The following BAMBI variants were observed in gnomAD, a reference collection of about 807,000 sequenced individuals.
The protein encoded by BAMBI is BMP and activin membrane-bound inhibitor homolog.
BAMBI carries 21 observed loss-of-function variants against 24.1 expected under a neutral mutation model. The ratio of observed to expected loss-of-function variants is 0.87; its 90% CI spans 0.62 to 1.26. The LOEUF is 1.26. Ranked by LOEUF, BAMBI falls within the 50% of genes most tolerant of loss-of-function variation. The probability of loss-of-function intolerance (pLI) is 0.00; values close to 1 mark genes in which losing one functional copy is unlikely to be tolerated. For synonymous variants in BAMBI, 156 were observed against 123.1 expected, an observed-to-expected ratio of 1.27 and a Z score of -1.77; for missense variants, 388 against 329.1, an observed-to-expected ratio of 1.18 and a Z score of -1.38.
chr10:28,678,346 T>A (rs1469291029), intron 1 of BAMBI, among the ~76,000 whole-genome samples: 2 of 152,220 alleles, frequency 1.3e-5, no homozygotes, highest in African/African-American at 2.4e-5. Context: ...CGTGTCTGTG[T>A]GAGTGCCTCA....
At position 28,681,985 on chromosome 10, in the gene BAMBI, C is replaced by A; in HGVS notation, c.367C>A (p.Gln123Lys). 1 of 1,609,676 alleles carries A rather than the reference C, an allele frequency of 6.2e-7. No homozygotes were observed. Among genetic ancestry groups the A allele is most frequent in the Non-Finnish European group, 8.5e-7 (1 of 1,176,608 alleles). ...TCATTTTCTTTGTACTCCTTTAGGA[C>A]AAGGAAACAGGTATCAGCATGATGG... ...LSPPRGEASG[Q>K]GNRYQHDGSR... The change falls in exon 3 of 3, where the codon CAA becomes AAA. Residue 123 changes from glutamine to lysine, a missense_variant and splice_region_variant. Physicochemically the swap from Gln to Lys is moderately conservative, Grantham distance 53. Coordinates refer to ENST00000375533, the MANE Select transcript of BAMBI (RefSeq NM_012342.3).
At chr10:28,681,151 A>G (rs749569995) in intron 1 of BAMBI, 107 bp from the exon 2 acceptor site, 4 of 1,188,358 alleles carry the variant, frequency 3.4e-6, no homozygotes, top group South Asian at 1.5e-5. Flanking sequence ...CTCAGCTTGG[A>G]TGATCTAAAA....
rs1331984331 is a variant in BAMBI, at chr10:28,682,518, CCT to C, written c.*120_*121del. 4 of 891,468 alleles carry C rather than the reference CCT, an allele frequency of 4.5e-6. No homozygotes were observed. The highest frequency in any genetic ancestry group is 3.4e-5 in the African/African-American group (2 of 59,440). 55.2% of individuals were successfully genotyped at this position (891,468 alleles called of 1,614,324 possible). On this transcript the variant is annotated 3_prime_UTR_variant, in exon 3 of 3. Transcript: ENST00000375533. The stretch of plus-strand genomic sequence containing the variant: ...TAATCATCTTTGAGAGACAAAATGA[CCT>C]CTGCAAACAGAATCTTGGATATTTC...
In BAMBI at chr10:28,682,215, C is replaced by T. The variant is rs200922139; in HGVS notation, c.597C>T (p.His199=). 2.5e-5 allele frequency: 41 copies of T among 1,614,028 alleles called. No homozygotes were observed. Among genetic ancestry groups the T allele is most frequent in the African/African-American group, 8.0e-5 (6 of 74,912 alleles). Residue 199 remains histidine (H), a synonymous_variant, in exon 3 of 3, where the codon CAC becomes CAT. Transcript: ENST00000375533. ...QMLSRLHYSF[H]GHHSKKGQVA... ...TCTCCCGTTTGCACTACAGCTTTCACGGACACCATTCCAAAAAGGGGCAGG... is the reference window on the plus strand; with the variant it reads ...TCTCCCGTTTGCACTACAGCTTTCATGGACACCATTCCAAAAAGGGGCAGG...
chr10:28,682,395 C>A lies in BAMBI; in HGVS notation c.777C>A (p.Phe259Leu), dbSNP rs377480665. The A allele has an allele frequency of 2.5e-6, 4 of 1,608,704 alleles. No homozygotes were observed. The highest frequency in any genetic ancestry group is 1.3e-5 in the African/African-American group (1 of 74,802). ...GMYSGHGKLE[F>L]V Reference sequence around the variant, plus strand: ...ACAGTGGGCACGGGAAGCTGGAATTCGTATGACGGAGTCTTATCTGAACTA... The same window carrying A: ...ACAGTGGGCACGGGAAGCTGGAATTAGTATGACGGAGTCTTATCTGAACTA... Residue 259 changes from phenylalanine (F) to leucine (L), a missense_variant, in exon 3 of 3, where the codon TTC (phenylalanine) becomes TTA (leucine). Coordinates refer to ENST00000375533, the MANE Select transcript of BAMBI (RefSeq NM_012342.3).
At chr10:28,680,681 AG>A (rs1226700914) in intron 1 of BAMBI, among the ~76,000 whole-genome samples, 1 of 152,238 alleles carries the variant, frequency 6.6e-6, no homozygotes, top group East Asian at 1.9e-4. Flanking sequence ...AGATCTTTAT[AG>A]GCAAAAAGTT....
chr10:28,680,936 GAATA>G (rs1349223816), intron 1 of BAMBI, among the ~76,000 whole-genome samples: 10 of 152,168 alleles, frequency 6.6e-5, no homozygotes, highest in African/African-American at 1.9e-4. Flanking sequence ...GGATTAAAAT[GAATA>G]AATAATGTGT....
Position 28,679,118 on chromosome 10 carries a change from C to T in BAMBI, c.76+1145C>T, listed in dbSNP as rs796619582. Among the ~76,000 whole-genome samples, 18 of 152,206 alleles carry T rather than the reference C, an allele frequency of 1.2e-4. 1 individual carries two copies. The highest frequency in any genetic ancestry group is 4.1e-4 in the African/African-American group (17 of 41,528). ...TTTTGGAAGGAAGGGTGTAATTAAC[C>T]CTAAATAACAGCCCTTGTGGCTTGC... On this transcript the variant is annotated intron_variant, in intron 1 of 2. Coordinates refer to ENST00000375533, the MANE Select transcript of BAMBI (RefSeq NM_012342.3).
chr10:28,682,722 T>G lies in BAMBI; in HGVS notation c.*321T>G. On this transcript the variant is annotated 3_prime_UTR_variant, in exon 3 of 3. Coordinates refer to ENST00000375533, the MANE Select transcript of BAMBI (RefSeq NM_012342.3). ...TGTGCCCTATGTAAGCTTCTACATCTTGATTTATTGTAAAGATTTAAAAGA... is the reference window on the plus strand; with the variant it reads ...TGTGCCCTATGTAAGCTTCTACATCGTGATTTATTGTAAAGATTTAAAAGA... 9.0e-6 allele frequency: 2 copies of G among 222,892 alleles called. No individual in the cohort carries two copies. The highest frequency in any genetic ancestry group is 1.8e-5 in the Non-Finnish European group (2 of 113,522). 13.8% of individuals were successfully genotyped at this position (222,892 alleles called of 1,614,324 possible).
intron 1 of BAMBI, among the ~76,000 whole-genome samples, chr10:28,679,000 C>T (rs963236403): frequency 6.6e-6 from 1 of 152,176 alleles, no homozygotes; most frequent in Admixed American, 6.5e-5. Flanking sequence ...TTAGTCTTTG[C>T]AGCCCCCTAC....
intron 1 of BAMBI, among the ~76,000 whole-genome samples, chr10:28,678,745 T>A (rs1418492040): frequency 6.6e-6 from 1 of 151,780 alleles, no homozygotes; most frequent in East Asian, 1.9e-4. Flanking sequence ...TGTGTTGTGT[T>A]GCTTTTCAGC....
rs1239048654 is a variant in BAMBI, at chr10:28,677,686, G to T, written c.-212G>T. The T allele has an allele frequency of 7.3e-6, 2 of 273,140 alleles. No homozygotes were observed. Among genetic ancestry groups the T allele is most frequent in the Non-Finnish European group, 1.4e-5 (2 of 147,456 alleles). 16.9% of individuals were successfully genotyped at this position (273,140 alleles called of 1,614,324 possible). Reference sequence around the variant, plus strand: ...GAGCGGGGCAAGGGAGCCAGTGGCCGCCGACGGGGGACCGGGAAACTTTTC... The same window carrying T: ...GAGCGGGGCAAGGGAGCCAGTGGCCTCCGACGGGGGACCGGGAAACTTTTC... On this transcript the variant is annotated 5_prime_UTR_variant, in exon 1 of 3. Transcript: ENST00000375533.
chr10:28,680,880 T>A (rs1163377050), intron 1 of BAMBI, among the ~76,000 whole-genome samples: 1 of 152,256 alleles, frequency 6.6e-6, no homozygotes, highest in South Asian at 2.1e-4. Context: ...ATATTTATAC[T>A]GACAAAATCA....
At chr10:28,681,739 T>C (rs1262884112) in intron 2 of BAMBI, 194 bp downstream of exon 2, 1 of 757,962 alleles carries the variant, frequency 1.3e-6, no homozygotes, top group African/African-American at 1.8e-5. Context: ...GTCTACATAA[T>C]AGGTTTTGCC....
rs74127286 is a variant in BAMBI at position 28,680,257 on chromosome 10, G to T, written c.77-1001G>T. On this transcript the variant is annotated intron_variant, in intron 1 of 2. Coordinates refer to ENST00000375533, the MANE Select transcript of BAMBI (RefSeq NM_012342.3). ...GACCAGGGTCCACTAGGTGGATATTGTATTAGTGAGAACTTGAAGACCCAG... is the reference window on the plus strand; with the variant it reads ...GACCAGGGTCCACTAGGTGGATATTTTATTAGTGAGAACTTGAAGACCCAG... 6.1e-3 allele frequency among the ~76,000 whole-genome samples: 929 copies of T among 152,230 alleles called. 9 individuals are homozygous for T. The highest frequency in any genetic ancestry group is 0.021 in the African/African-American group (880 of 41,530).
rs1380916369 is a variant in BAMBI at position 28,681,311 on chromosome 10, T to C, written c.130T>C (p.Cys44Arg). ...AAHCVATGYMCKSELSACFSR... is the reference protein window; with the variant it reads ...AAHCVATGYMRKSELSACFSR... ...CCACTGTGTAGCCACTGGTTATATGTGTAAATCTGAGCTCAGCGCCTGCTT... is the reference window on the plus strand; with the variant it reads ...CCACTGTGTAGCCACTGGTTATATGCGTAAATCTGAGCTCAGCGCCTGCTT... The change falls in exon 2 of 3, where the codon TGT becomes CGT. Residue 44 changes from cysteine (C) to arginine (R), a missense_variant. By Grantham distance (180) the Cys-to-Arg change is radical. Coordinates refer to ENST00000375533, the MANE Select transcript of BAMBI (RefSeq NM_012342.3). 1 of 1,613,964 alleles carries C rather than the reference T, an allele frequency of 6.2e-7. No homozygotes were observed. Among genetic ancestry groups the C allele is most frequent in the African/African-American group, 1.3e-5 (1 of 74,944 alleles).
rs1564439737 is a variant in BAMBI, at chr10:28,682,344, C to T, written c.726C>T (p.Ile242=). The T allele has an allele frequency of 1.2e-6, 2 of 1,614,020 alleles. No homozygotes were observed. Among genetic ancestry groups the T allele is most frequent in the Non-Finnish European group, 1.7e-6 (2 of 1,179,996 alleles). The change falls in exon 3 of 3, where the codon ATC becomes ATT. Residue 242 remains isoleucine, a synonymous_variant. Coordinates refer to ENST00000375533, the MANE Select transcript of BAMBI (RefSeq NM_012342.3). ...MRQADLSNDK[I]LSLVHWGMYS... ...AAGCAGACCTCAGCAACGATAAGATCCTCTCGCTTGTTCACTGGGGCATGT... is the reference window on the plus strand; with the variant it reads ...AAGCAGACCTCAGCAACGATAAGATTCTCTCGCTTGTTCACTGGGGCATGT...
intron 1 of BAMBI, among the ~76,000 whole-genome samples, chr10:28,678,719 G>A (rs1050787877): frequency 6.6e-6 from 1 of 151,816 alleles, no homozygotes; most frequent in African/African-American, 2.4e-5. Flanking sequence ...TTAGGTGTCC[G>A]AGGTGTGCAG....
At chr10:28,678,273 C>G (rs550945491) in intron 1 of BAMBI, among the ~76,000 whole-genome samples, 5 of 152,156 alleles carry the variant, frequency 3.3e-5, no homozygotes, top group African/African-American at 1.2e-4. Flanking sequence ...CTTCCGCACC[C>G]TGGGGGCTCG....
Sources: gnomAD v4.1 joint callset for allele counts (sites outside exome capture counted in the v4.1 genomes callset) on GRCh38, gnomAD v4.1.1 for gene constraint, MANE v1.5 for transcripts, NCBI Gene and HGNC (gene_info 2026-07-23, HGNC 2026-07-21) for gene names.